HEMK2: variants seen among roughly 807,000 people sequenced by gnomAD.
HEMK2 encodes the protein methyltransferase HEMK2.
At chr21:28,876,433 T>C in the HEMK2 span, 2 of 1,612,652 alleles carry the variant, frequency 1.2e-6, no homozygotes, top group Non-Finnish European at 1.7e-6. Context: ...GGCCTGCTTG[T>C]CTGGAAAGTG....
At chr21:28,645,157 C>G in the HEMK2 span, among the ~76,000 whole-genome samples, 1 of 152,154 alleles carries the variant, frequency 6.6e-6, no homozygotes, top group African/African-American at 2.4e-5. Context: ...ATTTTCCTGC[C>G]AGACTCTGTT....
At chr21:28,768,367 G>T in the HEMK2 span, among the ~76,000 whole-genome samples, 33 of 152,164 alleles carry the variant, frequency 2.2e-4, no homozygotes, top group African/African-American at 7.7e-4. Flanking sequence ...CCAGCCACTT[G>T]CAGAGTGTCC....
chr21:28,730,308 G>T, the HEMK2 span, among the ~76,000 whole-genome samples: 4 of 151,988 alleles, frequency 2.6e-5, no homozygotes, highest in African/African-American at 7.3e-5. Context: ...TTGAGCCTGG[G>T]AGGTCAAGGC....
chr21:28,849,675 A>G, the HEMK2 span, among the ~76,000 whole-genome samples: 1 of 152,246 alleles, frequency 6.6e-6, no homozygotes, highest in Non-Finnish European at 1.5e-5. Flanking sequence ...TTAAGAAAAA[A>G]AGAAACGGAT....
the HEMK2 span, among the ~76,000 whole-genome samples, chr21:28,747,117 G>A: frequency 6.6e-6 from 1 of 152,238 alleles, no homozygotes; most frequent in African/African-American, 2.4e-5. Flanking sequence ...TGGCCATGGA[G>A]TCTACAGGTG....
chr21:28,882,898 T>G, the HEMK2 span: 4 of 905,806 alleles, frequency 4.4e-6, no homozygotes, highest in Non-Finnish European at 6.6e-6. Flanking sequence ...TACTATAAGA[T>G]ACATACTGTC....
chr21:28,877,482 A>C, the HEMK2 span, among the ~76,000 whole-genome samples: 1 of 151,464 alleles, frequency 6.6e-6, no homozygotes, highest in Non-Finnish European at 1.5e-5. Flanking sequence ...AGAGAAGAGA[A>C]AGAGAAAGAA....
At chr21:28,692,482 T>C in the HEMK2 span, among the ~76,000 whole-genome samples, 2 of 152,132 alleles carry the variant, frequency 1.3e-5, no homozygotes, top group Non-Finnish European at 2.9e-5. Flanking sequence ...AAATAGAATA[T>C]GGAACAATAT....
chr21:28,868,301 G>C, the HEMK2 span, among the ~76,000 whole-genome samples: 1 of 152,302 alleles, frequency 6.6e-6, no homozygotes, highest in East Asian at 1.9e-4. Flanking sequence ...GAATTTTACT[G>C]TAAGTATAGG....
the HEMK2 span, among the ~76,000 whole-genome samples, chr21:28,735,917 C>A: frequency 6.6e-6 from 1 of 152,242 alleles, no homozygotes; most frequent in Non-Finnish European, 1.5e-5. Context: ...GAGTAAGGGT[C>A]ATGGTGGAAT....
the HEMK2 span, among the ~76,000 whole-genome samples, chr21:28,752,600 G>T: frequency 6.6e-6 from 1 of 152,178 alleles, no homozygotes; most frequent in South Asian, 2.1e-4. Context: ...TCCAGCTGTG[G>T]ATACTGAGTG....
the HEMK2 span, among the ~76,000 whole-genome samples, chr21:28,844,825 AT>A: frequency 6.6e-6 from 1 of 151,380 alleles, no homozygotes; most frequent in Non-Finnish European, 1.5e-5. Context: ...CCTTCTATAT[AT>A]TTTTTGGACA....
the HEMK2 span, among the ~76,000 whole-genome samples, chr21:28,718,188 C>T: frequency 6.6e-6 from 1 of 152,150 alleles, no homozygotes; most frequent in African/African-American, 2.4e-5. Context: ...ACTCAAAAGT[C>T]ATTCAGGAGT....
At chr21:28,647,255 G>A in the HEMK2 span, among the ~76,000 whole-genome samples, 1 of 147,934 alleles carries the variant, frequency 6.8e-6, no homozygotes, top group African/African-American at 2.5e-5. Flanking sequence ...GGAGGCTGAG[G>A]TGGGCTGATC....
chr21:28,634,706 G>A, the HEMK2 span, among the ~76,000 whole-genome samples: 14 of 152,212 alleles, frequency 9.2e-5, no homozygotes, highest in Admixed American at 2.6e-4. Flanking sequence ...ACAATTTACC[G>A]AACCTCTCTG....
chr21:28,843,915 G>A, the HEMK2 span, among the ~76,000 whole-genome samples: 1 of 151,880 alleles, frequency 6.6e-6, no homozygotes, highest in Non-Finnish European at 1.5e-5. Flanking sequence ...AAATTTTAAG[G>A]GAATCTGAAT....
At chr21:28,715,070 T>C in the HEMK2 span, among the ~76,000 whole-genome samples, 1 of 152,200 alleles carries the variant, frequency 6.6e-6, no homozygotes, top group African/African-American at 2.4e-5. Context: ...AATCAATGTC[T>C]TTACTCATAT....
At chr21:28,586,918 G>T in the HEMK2 span, among the ~76,000 whole-genome samples, 1 of 152,112 alleles carries the variant, frequency 6.6e-6, no homozygotes, top group African/African-American at 2.4e-5. Flanking sequence ...CCTCCCAAAA[G>T]GTTCTACTTT....
chr21:28,879,925 T>C, the HEMK2 span: 1 of 1,602,844 alleles, frequency 6.2e-7, no homozygotes, highest in Non-Finnish European at 8.5e-7. Context: ...ATCAACTTTT[T>C]CGGTCAATCT....
Sources: gnomAD v4.1 joint callset for allele counts (sites outside exome capture counted in the v4.1 genomes callset) on GRCh38, gnomAD v4.1.1 for gene constraint, MANE v1.5 for transcripts, NCBI Gene and HGNC (gene_info 2026-07-23, HGNC 2026-07-21) for gene names.